The following HS3ST3A1 variants were observed in gnomAD, a reference collection of about 807,000 sequenced individuals.
The protein encoded by HS3ST3A1 is heparan sulfate glucosamine 3-O-sulfotransferase 3A1.
Under a neutral mutation model 25.7 loss-of-function variants are expected in HS3ST3A1, and 19 were observed. The observed-to-expected ratio is 0.74, with a 90% CI of 0.52 to 1.08. HS3ST3A1 has a LOEUF of 1.08. Ranked by LOEUF, HS3ST3A1 falls within the 50% of genes least tolerant of loss-of-function variation. The pLI, the probability that HS3ST3A1 is intolerant of heterozygous loss-of-function variation, is 0.00. For synonymous variants in HS3ST3A1, 226 were observed against 278.6 expected (o/e 0.81, Z 1.88); for missense variants, 459 against 594.3 (o/e 0.77, Z 2.37).
chr17:13,526,266 C>T (rs879184643), intron 1 of HS3ST3A1, among the ~76,000 whole-genome samples: 2 of 151,770 alleles, frequency 1.3e-5, no homozygotes, highest in Admixed American at 6.6e-5. Context: ...CAGTTGCTGT[C>T]GCCTCAATCC....
chr17:13,539,513 A>T (rs1467219515), intron 1 of HS3ST3A1, among the ~76,000 whole-genome samples: 2 of 152,184 alleles, frequency 1.3e-5, no homozygotes, highest in Non-Finnish European at 2.9e-5. Flanking sequence ...GGCAAAGAAC[A>T]TCTTTTTCTT....
chr17:13,588,905 T>C (rs986355103), intron 1 of HS3ST3A1, among the ~76,000 whole-genome samples: 1 of 152,132 alleles, frequency 6.6e-6, no homozygotes, highest in African/African-American at 2.4e-5. Flanking sequence ...AGGATGGTCT[T>C]GACCGTCTCG....
At position 13,601,385 on chromosome 17, in the gene HS3ST3A1, A is replaced by C; in HGVS notation, c.-256T>G. ...AACGCGGGTCCGTGCTTAAGAAACC[A>C]TCGTCTTAGACTCGCCCAAGTCCTG... On this transcript the variant is annotated 5_prime_UTR_variant, in exon 1 of 2. The change abolishes an upstream ATG in the 5' untranslated region. Transcript: ENST00000284110. 11 of 436,250 alleles carry C rather than the reference A, an allele frequency of 2.5e-5. No homozygotes were observed. The highest frequency in any genetic ancestry group is 8.1e-5 in the East Asian group (2 of 24,594). The allele number at this position is 436,250 out of a possible 1,614,324, so 27.0% of individuals were successfully genotyped here.
At chr17:13,527,925 A>T (rs1210993871) in intron 1 of HS3ST3A1, among the ~76,000 whole-genome samples, 1 of 152,214 alleles carries the variant, frequency 6.6e-6, no homozygotes, top group African/African-American at 2.4e-5. Context: ...ACAATGACCT[A>T]CTGCAGATAT....
intron 1 of HS3ST3A1, among the ~76,000 whole-genome samples, chr17:13,500,491 G>T (rs1029680): frequency 0.85 from 129,773 of 152,220 alleles, 55,590 homozygotes; most frequent in East Asian, 0.94. Flanking sequence ...CGAAGGTGTG[G>T]GCACTGATAA....
At chr17:13,542,787 C>T (rs892810915) in intron 1 of HS3ST3A1, among the ~76,000 whole-genome samples, 3 of 151,974 alleles carry the variant, frequency 2.0e-5, no homozygotes, top group Non-Finnish European at 2.9e-5. Flanking sequence ...GGGATGGTTG[C>T]CAGGGGAATG....
At chr17:13,527,772 C>T (rs1278304806) in intron 1 of HS3ST3A1, among the ~76,000 whole-genome samples, 4 of 152,210 alleles carry the variant, frequency 2.6e-5, no homozygotes, top group African/African-American at 9.6e-5. Context: ...CCAACTATGG[C>T]TGCAGCGGAT....
chr17:13,496,472 TGAGCCGCTCGCCGCTCACGAA>T lies in HS3ST3A1; in HGVS notation c.925_945del (p.Phe309_Leu315del), dbSNP rs1269043989. 1 of 1,397,320 alleles carries T rather than the reference TGAGCCGCTCGCCGCTCACGAA, an allele frequency of 7.2e-7. No homozygotes were observed. Among genetic ancestry groups the T allele is most frequent in the East Asian group, 2.5e-5 (1 of 40,440 alleles). The allele number at this position is 1,397,320 out of a possible 1,614,324, so 86.6% of individuals were successfully genotyped here. On this transcript the variant is annotated inframe_deletion, in exon 2 of 2. Transcript: ENST00000284110. ...CCCAGCTCCCCGGCCGGGTCGCTGA[TGAGCCGCTCGCCGCTCACGAA>T]GAGCATCTGGCGGATGGGGAAGTGG...
rs778871842 is a variant in HS3ST3A1, at chr17:13,600,532, G to C, written c.598C>G (p.Arg200Gly). 3.8e-6 allele frequency: 6 copies of C among 1,594,620 alleles called. No individual in the cohort carries two copies. Among genetic ancestry groups the C allele is most frequent in the East Asian group, 2.3e-5 (1 of 44,252 alleles). ...RSYDKGLAWY[R>G]DLMPRTLDGQ... Reference sequence around the variant, plus strand: ...CCAGCCCGGGCCCGCCCCGCTCACCGGTACCAGGCGAGGCCCTTGTCGTAG... The same window carrying C: ...CCAGCCCGGGCCCGCCCCGCTCACCCGTACCAGGCGAGGCCCTTGTCGTAG... Residue 200 changes from arginine (R) to glycine (G), a missense_variant and splice_region_variant, in exon 1 of 2, where the codon CGG (arginine) becomes GGG (glycine). This residue lies in a region of HS3ST3A1 where 346 missense variants were observed against 303.9 expected (regional missense o/e 1.14). Transcript: ENST00000284110.
intron 1 of HS3ST3A1, among the ~76,000 whole-genome samples, chr17:13,574,112 A>G (rs1366605753): frequency 6.7e-6 from 1 of 149,366 alleles, no homozygotes; most frequent in African/African-American, 2.5e-5. Context: ...TTAATTCAGT[A>G]TATACCCATT....
At chr17:13,586,947 CTAA>C (rs1236429843) in intron 1 of HS3ST3A1, among the ~76,000 whole-genome samples, 2 of 139,230 alleles carry the variant, frequency 1.4e-5, no homozygotes, top group Non-Finnish European at 3.1e-5. Context: ...AGATTTCTTA[CTAA>C]TAATGTTTTA....
rs745676297 is a variant in HS3ST3A1 at position 13,495,871 on chromosome 17, AAGAG to A, written c.*322_*325del. The A allele has an allele frequency of 2.4e-5, 5 of 206,112 alleles. No homozygotes were observed. Among genetic ancestry groups the A allele is most frequent in the East Asian group, 1.1e-4 (1 of 8,820 alleles). The allele number at this position is 206,112 out of a possible 1,614,324, so 12.8% of individuals were successfully genotyped here. A position where few individuals can be genotyped will look rare whatever the true frequency, so the allele number is the denominator to read the frequency against. ...TTATCAGGGCCTTGTATTTTAAAAAAAGAGAGAGAGATGTTTAACCTCAAGATTT... is the reference window on the plus strand; with the variant it reads ...TTATCAGGGCCTTGTATTTTAAAAAAAGAGAGATGTTTAACCTCAAGATTT... On this transcript the variant is annotated 3_prime_UTR_variant, in exon 2 of 2. Transcript: ENST00000284110.
chr17:13,573,507 T>A (rs978721335), intron 1 of HS3ST3A1, among the ~76,000 whole-genome samples: 14 of 152,164 alleles, frequency 9.2e-5, no homozygotes, highest in African/African-American at 3.1e-4. Flanking sequence ...TGATTCCTTT[T>A]TAGTCTCCTG....
chr17:13,533,011 A>G (rs987432582), intron 1 of HS3ST3A1, among the ~76,000 whole-genome samples: 1 of 151,846 alleles, frequency 6.6e-6, no homozygotes, highest in Non-Finnish European at 1.5e-5. Flanking sequence ...AATCTCATCC[A>G]CTCTAGACCT....
intron 1 of HS3ST3A1, among the ~76,000 whole-genome samples, chr17:13,598,988 G>C (rs776031527): frequency 6.6e-6 from 1 of 152,120 alleles, no homozygotes; most frequent in South Asian, 2.1e-4. Context: ...GTACGAGGCC[G>C]AATTCAATGC....
intron 1 of HS3ST3A1, among the ~76,000 whole-genome samples, chr17:13,539,716 A>G (rs1906874656): frequency 7.4e-6 from 1 of 134,604 alleles, no homozygotes; most frequent in African/African-American, 2.9e-5. Context: ...CCTCAATTCG[A>G]AAGAGACGTT....
intron 1 of HS3ST3A1, among the ~76,000 whole-genome samples, chr17:13,520,824 C>T (rs1906211023): frequency 6.6e-6 from 1 of 152,072 alleles, no homozygotes; most frequent in Non-Finnish European, 1.5e-5. Context: ...GTTGGTCAGG[C>T]TGGTTTCTAA....
chr17:13,507,118 T>C (rs1905709964), intron 1 of HS3ST3A1, among the ~76,000 whole-genome samples: 1 of 149,900 alleles, frequency 6.7e-6, no homozygotes, highest in Non-Finnish European at 1.5e-5. Flanking sequence ...GAAGATGAAG[T>C]TCATAGTCAT....
At chr17:13,540,317 T>C (rs943729305) in intron 1 of HS3ST3A1, among the ~76,000 whole-genome samples, 7 of 152,216 alleles carry the variant, frequency 4.6e-5, no homozygotes, top group African/African-American at 1.7e-4. Flanking sequence ...GGGTTAAACA[T>C]TAAAGGTGCA....
Sources: gnomAD v4.1 joint callset for allele counts (sites outside exome capture counted in the v4.1 genomes callset) on GRCh38, gnomAD v4.1.1 for gene constraint, gnomAD v4.1.1 regional missense constraint, MANE v1.5 for transcripts, NCBI Gene and HGNC (gene_info 2026-07-23, HGNC 2026-07-21) for gene names.